Variants in MAEA observed in about 807,000 individuals in gnomAD.
MAEA encodes the protein macrophage erythroblast attacher, E3 ubiquitin ligase.
Under a neutral mutation model 46.2 loss-of-function variants are expected in MAEA, and 22 were observed. The ratio of observed to expected loss-of-function variants is 0.48; its 90% CI spans 0.34 to 0.68. MAEA has a LOEUF of 0.68. Among genes scored for constraint, MAEA ranks in the 30% least tolerant of loss-of-function variants. The pLI is 0.01. For synonymous variants in MAEA, 246 were observed against 222.6 expected, an observed-to-expected ratio of 1.11 and a Z score of -0.94; for missense variants, 393 against 558.1, an observed-to-expected ratio of 0.70 and a Z score of 2.98.
At chr4:1,331,757 C>T (rs1475448980) in intron 5 of MAEA, 2 of 76,294 alleles carry the variant, frequency 2.6e-5, no homozygotes, top group African/African-American at 1.7e-4. Context: ...GACAGTGACC[C>T]TGTGTGTGGG....
Position 1,311,961 on chromosome 4 carries a change from A to G in MAEA, c.70-18A>G. On this transcript the variant is annotated intron_variant, in intron 1 of 8. Transcript: ENST00000303400. The surrounding 1 kb of genome is among the most constrained non-coding windows in gnomAD (Gnocchi z 4.4). Reference sequence around the variant, plus strand: ...ACACCAGGGGAGCAGATCCCTCACCATCCTCCTTCCTCTCCAGGTGCCCTA... The same window carrying G: ...ACACCAGGGGAGCAGATCCCTCACCGTCCTCCTTCCTCTCCAGGTGCCCTA... The G allele has an allele frequency of 1.3e-6, 2 of 1,597,158 alleles. No homozygotes were observed. Among genetic ancestry groups the G allele is most frequent in the African/African-American group, 2.7e-5 (2 of 74,756 alleles).
At chr4:1,337,453 C>T (rs890784965) in intron 7 of MAEA, 6 of 214,916 alleles carry the variant, frequency 2.8e-5, no homozygotes, top group Admixed American at 5.5e-5. Flanking sequence ...GACTCTGTCC[C>T]ACCTGCGACT....
In MAEA at chr4:1,339,296, A is replaced by G. The variant is rs577169819; in HGVS notation, c.*127A>G. On this transcript the variant is annotated 3_prime_UTR_variant, in exon 9 of 9. Transcript: ENST00000303400. The stretch of plus-strand genomic sequence containing the variant: ...TTCTTGCGACCAAAGATCCGTGAGC[A>G]ACGATAAATACTCTTAGGAAGAGAG... The G allele has an allele frequency of 1.8e-4, 121 of 683,602 alleles. 2 individuals carry two copies. In the South Asian group the frequency reaches 1.8e-3, roughly 10 times the overall value. 42.3% of individuals were successfully genotyped at this position (683,602 alleles called of 1,614,324 possible). A position where few individuals can be genotyped will look rare whatever the true frequency, so the allele number is the denominator to read the frequency against.
chr4:1,303,314 A>G (rs899918072), intron 1 of MAEA, among the ~76,000 whole-genome samples: 7 of 148,972 alleles, frequency 4.7e-5, no homozygotes, highest in African/African-American at 1.7e-4. Flanking sequence ...AGGCAGGAGG[A>G]TCACTTAAAC....
At chr4:1,319,214 G>A (rs1337647007) in intron 3 of MAEA, among the ~76,000 whole-genome samples, 1 of 152,130 alleles carries the variant, frequency 6.6e-6, no homozygotes, top group African/African-American at 2.4e-5. Flanking sequence ...TTAGCTGGGA[G>A]TGTTGGTGGG....
Position 1,339,592 on chromosome 4 carries a change from G to C in MAEA, c.*423G>C, listed in dbSNP as rs1244939777. 1 of 201,824 alleles carries C rather than the reference G, an allele frequency of 5.0e-6. No individual in the cohort carries two copies. Among genetic ancestry groups the C allele is most frequent in the Non-Finnish European group, 1.0e-5 (1 of 97,816 alleles). 12.5% of individuals were successfully genotyped at this position (201,824 alleles called of 1,614,324 possible). A position where few individuals can be genotyped will look rare whatever the true frequency, so the allele number is the denominator to read the frequency against. ...ACTTCCTGTTGGCCCTGGCCTGGCC[G>C]GGGAAGGTGGCAGCGGCACCGGACT... is the stretch of plus-strand genomic sequence containing the variant. On this transcript the variant is annotated 3_prime_UTR_variant, in exon 9 of 9. Coordinates refer to ENST00000303400, the MANE Select transcript of MAEA (RefSeq NM_001017405.3).
intron 1 of MAEA, among the ~76,000 whole-genome samples, chr4:1,298,840 C>A (rs1261363739): frequency 3.9e-5 from 6 of 152,050 alleles, no homozygotes; most frequent in Admixed American, 3.9e-4. Flanking sequence ...GTAAAACATA[C>A]CCACTTGGCA....
At chr4:1,328,790 C>T in intron 5 of MAEA, 2 of 1,103,366 alleles carry the variant, frequency 1.8e-6, no homozygotes, top group Non-Finnish European at 2.3e-6. Flanking sequence ...TGCTCCGGCT[C>T]CTGATGCTGA....
At chr4:1,318,126 C>G (rs994021822) in intron 3 of MAEA, among the ~76,000 whole-genome samples, 1 of 152,084 alleles carries the variant, frequency 6.6e-6, no homozygotes, top group Admixed American at 6.5e-5. Flanking sequence ...CCCCAATGCA[C>G]AGGCCCTCGC....
intron 6 of MAEA, among the ~76,000 whole-genome samples, chr4:1,334,295 T>C (rs1385601913): frequency 6.6e-6 from 1 of 151,834 alleles, no homozygotes; most frequent in Non-Finnish European, 1.5e-5. Context: ...GCCGGGGTGT[T>C]TCCCGGCAGC....
At chr4:1,318,545 G>A (rs138289695) in intron 3 of MAEA, among the ~76,000 whole-genome samples, 30 of 152,300 alleles carry the variant, frequency 2.0e-4, no homozygotes, top group African/African-American at 4.1e-4. Flanking sequence ...GGAAGAAGGC[G>A]GGCGTGTGGA....
At position 1,306,375 on chromosome 4, in the gene MAEA, C is replaced by T. The variant is rs541002965; in HGVS notation, c.70-5604C>T. 3.5e-4 allele frequency among the ~76,000 whole-genome samples: 53 copies of T among 152,234 alleles called. 1 individual carries two copies. The East Asian group carries it at 7.9e-3, about 23-fold the overall frequency. ...TAAAAAAATGGGATTGCTAACCGGGCGAGGTGGCAGGCACCTGTAGTCCTA... is the reference window on the plus strand; with the variant it reads ...TAAAAAAATGGGATTGCTAACCGGGTGAGGTGGCAGGCACCTGTAGTCCTA... On this transcript the variant is annotated intron_variant, in intron 1 of 8. Coordinates refer to ENST00000303400, the MANE Select transcript of MAEA (RefSeq NM_001017405.3).
At chr4:1,306,568 G>T (rs1735855244) in intron 1 of MAEA, among the ~76,000 whole-genome samples, 1 of 152,196 alleles carries the variant, frequency 6.6e-6, no homozygotes, top group Non-Finnish European at 1.5e-5. Flanking sequence ...TAATACTGAG[G>T]CTGCAGGAGT....
At chr4:1,293,997 C>T (rs570025072) in intron 1 of MAEA, among the ~76,000 whole-genome samples, 15 of 152,326 alleles carry the variant, frequency 9.8e-5, no homozygotes, top group East Asian at 3.9e-4. Context: ...CAGGCAACCA[C>T]GAAGCGTTTG....
At chr4:1,295,669 C>G (rs1734567540) in intron 1 of MAEA, among the ~76,000 whole-genome samples, 1 of 140,550 alleles carries the variant, frequency 7.1e-6, no homozygotes, top group African/African-American at 2.6e-5. Context: ...GCTCCTGTAC[C>G]CCCTCACCCG....
At chr4:1,298,498 G>A (rs1735003444) in intron 1 of MAEA, among the ~76,000 whole-genome samples, 3 of 152,140 alleles carry the variant, frequency 2.0e-5, no homozygotes, top group Admixed American at 6.5e-5. Context: ...CCTGCCTTGG[G>A]GTCTCTGGAA....
intron 3 of MAEA, among the ~76,000 whole-genome samples, chr4:1,317,381 C>G (rs962772508): frequency 6.6e-5 from 10 of 151,336 alleles, no homozygotes; most frequent in African/African-American, 2.4e-4. Context: ...TCTGCAGGCC[C>G]CACACTCCGG....
At chr4:1,315,632 C>T (rs943502491) in intron 3 of MAEA, 32 bp downstream of exon 3, 4 of 1,607,838 alleles carry the variant, frequency 2.5e-6, no homozygotes, top group Non-Finnish European at 3.4e-6. Context: ...GCACAGCGCC[C>T]CAGCTGGCCC....
chr4:1,300,665 A>T (rs1735229140), intron 1 of MAEA, among the ~76,000 whole-genome samples: 3 of 152,214 alleles, frequency 2.0e-5, no homozygotes, highest in Admixed American at 2.0e-4. Context: ...TCCAAGACGG[A>T]CCAGTGGCTT....
Sources: allele counts gnomAD v4.1 joint callset (sites outside exome capture counted in the v4.1 genomes callset), GRCh38; gene constraint gnomAD v4.1.1; non-coding constraint Gnocchi (gnomAD v3.1); transcripts MANE v1.5; gene names NCBI Gene and HGNC (gene_info 2026-07-23, HGNC 2026-07-21).